The following COL2A1 variants were observed in gnomAD, a reference collection of about 807,000 sequenced individuals.
The protein encoded by COL2A1 is collagen alpha-1(II) chain.
A neutral mutation model predicts 204.5 loss-of-function variants in COL2A1; 28 were observed. The ratio of observed to expected loss-of-function variants is 0.14; its 90% CI spans 0.10 to 0.19. The LOEUF (loss-of-function observed/expected upper bound fraction) is 0.19. COL2A1 is among the 10% of genes least tolerant of loss of function. COL2A1 has a pLI of 1.00. For synonymous variants in COL2A1, 708 were observed against 718.7 expected (o/e 0.99, Z 0.24); for missense variants, 1,388 against 2,027.5 (o/e 0.68, Z 6.06).
At chr12:47,984,665 C>A in intron 27 of COL2A1, 66 bp from the exon 28 acceptor site, 2 of 1,463,698 alleles carry the variant, frequency 1.4e-6, no homozygotes, top group Admixed American at 1.7e-5. Flanking sequence ...GCAGAGCGGG[C>A]TGCAGGGACT....
chr12:47,980,955 T>G lies in COL2A1; in HGVS notation c.2477A>C (p.Glu826Ala). The G allele has an allele frequency of 6.4e-7, 1 of 1,551,734 alleles. No homozygotes were observed. Among genetic ancestry groups the G allele is most frequent in the Middle Eastern group, 1.7e-4 (1 of 5,880 alleles). ...TCCCGCTGGTCCGGGGGGCCCAGTC[T>G]CTCCACGTTCACCCTGTGAGAGAAG... The part of the protein sequence containing the change: ...GARGAPGERG[E>A]TGPPGPAGFA... The change falls in exon 38 of 54, where the codon GAG (glutamate) becomes GCG (alanine). Residue 826 changes from glutamate to alanine, a missense_variant. Physicochemically the swap from Glu to Ala is moderately radical, Grantham distance 107 (BLOSUM62 -1). This residue lies in a region of COL2A1 where 884 missense variants were observed against 1,415.8 expected (regional missense o/e 0.62). Transcript: ENST00000380518. This position sits in a 1 kb window ranked among gnomAD's most constrained non-coding sequence, Gnocchi z 4.5.
intron 1 of COL2A1, among the ~76,000 whole-genome samples, chr12:48,001,625 G>C (rs549736609): frequency 9.5e-4 from 144 of 152,340 alleles, no homozygotes; most frequent in East Asian, 5.8e-4. Context: ...GGCCCGGGAA[G>C]CGCCGGCGCA....
rs767276172 is a variant in COL2A1 at position 47,999,988 on chromosome 12, A to T, written c.223T>A (p.Cys75Ser). ...DDIICEDVKD[C>S]LSPEIPFGEC... Reference sequence around the variant, plus strand: ...CCGAAGGGGATCTCAGGGCTGAGGCAGTCTTTCACGTCTTCACAGATTATG... The same window carrying T: ...CCGAAGGGGATCTCAGGGCTGAGGCTGTCTTTCACGTCTTCACAGATTATG... The change falls in exon 2 of 54, where the codon TGC (cysteine) becomes AGC (serine). Residue 75 changes from cysteine to serine, a missense_variant. Coordinates refer to ENST00000380518, the MANE Select transcript of COL2A1 (RefSeq NM_001844.5). 6.2e-7 allele frequency: 1 copy of T among 1,614,224 alleles called. No individual in the cohort carries two copies. The highest frequency in any genetic ancestry group is 8.5e-7 in the Non-Finnish European group (1 of 1,180,032).
chr12:47,995,917 G>T lies in COL2A1; in HGVS notation c.612C>A (p.Gly204=). 5 of 1,613,004 alleles carry T rather than the reference G, an allele frequency of 3.1e-6. No individual in the cohort carries two copies. The highest frequency in any genetic ancestry group is 4.2e-6 in the Non-Finnish European group (5 of 1,178,996). The change falls in exon 9 of 54, where the codon GGC becomes GGA. Residue 204 remains glycine, a splice_region_variant and synonymous_variant. Coordinates refer to ENST00000380518, the MANE Select transcript of COL2A1 (RefSeq NM_001844.5). ...CTGGAGGTCCTCGAGGTCCCATGGG[G>T]CCCTGCATCGGAACAGAAAATGAGG... ...AQLGVMQGPM[G]PMGPRGPPGP... is the part of the protein sequence containing the mutation.
chr12:47,989,593 C>T (rs961292021), intron 17 of COL2A1, among the ~76,000 whole-genome samples, 168 bp downstream of exon 17: 4 of 152,184 alleles, frequency 2.6e-5, no homozygotes, highest in African/African-American at 9.7e-5. Flanking sequence ...AGCTTGTTAT[C>T]GATATGCTCA....
chr12:47,992,597 T>C (rs1939758291), intron 16 of COL2A1, among the ~76,000 whole-genome samples: 1 of 152,136 alleles, frequency 6.6e-6, no homozygotes. Flanking sequence ...TCCAGCTGGA[T>C]TGCCCAGGGA....
chr12:47,973,309 G>T lies in COL2A1; in HGVS notation c.*98C>A, dbSNP rs370163304. The T allele has an allele frequency of 5.5e-5, 84 of 1,516,348 alleles. No individual in the cohort carries two copies. Among genetic ancestry groups the T allele is most frequent in the South Asian group, 4.6e-4 (41 of 89,098 alleles). The allele number at this position is 1,516,348 out of a possible 1,614,324, so 93.9% of individuals were successfully genotyped here. A position where few individuals can be genotyped will look rare whatever the true frequency, so the allele number is the denominator to read the frequency against. ...GTGGGATGAATGGACATCAGGTCAG[G>T]TCAGCCATTCAGTGCAGAGTCCTAG... On this transcript the variant is annotated 3_prime_UTR_variant, in exon 54 of 54. Coordinates refer to ENST00000380518, the MANE Select transcript of COL2A1 (RefSeq NM_001844.5).
In COL2A1 at chr12:47,976,907, G is replaced by A. The variant is rs768002885; in HGVS notation, c.3340C>T (p.Pro1114Ser). 2 of 1,606,688 alleles carry A rather than the reference G, an allele frequency of 1.2e-6. No homozygotes were observed. The highest frequency in any genetic ancestry group is 1.7e-6 in the Non-Finnish European group (2 of 1,176,320). ...GARGIQGPQG[P>S]RGDKGEAGEP... is the part of the protein sequence containing the mutation. ...CCAGCCTCTCCTTTGTCACCTCTGG[G>A]GCCTTGAGGACCCTGGGAACAAGAC... Residue 1114 changes from proline (P) to serine (S), a missense_variant, in exon 48 of 54, where the codon CCC becomes TCC. Physicochemically the swap from Pro to Ser is moderately conservative, Grantham distance 74. Coordinates refer to ENST00000380518, the MANE Select transcript of COL2A1 (RefSeq NM_001844.5). This position sits in a 1 kb window ranked among gnomAD's most constrained non-coding sequence, Gnocchi z 4.3.
chr12:47,977,848 C>A (rs1166028131), intron 44 of COL2A1, among the ~76,000 whole-genome samples, 162 bp downstream of exon 44: 2 of 152,206 alleles, frequency 1.3e-5, no homozygotes, highest in African/African-American at 4.8e-5. Flanking sequence ...GTCTCTCTCC[C>A]CGACAACCTT....
chr12:47,995,627 C>G, intron 10 of COL2A1, 83 bp downstream of exon 10: 2 of 1,357,490 alleles, frequency 1.5e-6, no homozygotes, highest in South Asian at 2.3e-5. Flanking sequence ...TGGGCAGAGC[C>G]TGGGAGGGAC....
intron 29 of COL2A1, 173 bp downstream of exon 29, chr12:47,983,914 A>G (rs1939239590): frequency 5.6e-6 from 5 of 897,662 alleles, no homozygotes; most frequent in African/African-American, 1.6e-5. Flanking sequence ...CTCTCCACCA[A>G]TGTGGGTCCA....
At chr12:47,975,878 TA>T in intron 50 of COL2A1, 84 bp downstream of exon 50, 1 of 1,061,150 alleles carries the variant, frequency 9.4e-7, no homozygotes, top group Non-Finnish European at 1.5e-6. Context: ...GCTGATGCCC[TA>T]AAAGAGGCCC....
chr12:47,992,480 C>A (rs757572902), intron 16 of COL2A1, among the ~76,000 whole-genome samples: 4 of 152,162 alleles, frequency 2.6e-5, no homozygotes, highest in Non-Finnish European at 5.9e-5. Flanking sequence ...AGCATAGAGC[C>A]CTGTGAGTTG....
chr12:47,973,036 G>T lies in COL2A1; in HGVS notation c.*371C>A. ...AAAAAATACAGAGGTGTTTGACACA[G>T]AATAGCACCATTGTGTAGGACACAC... On this transcript the variant is annotated 3_prime_UTR_variant, in exon 54 of 54. Transcript: ENST00000380518. 14 of 542,094 alleles carry T rather than the reference G, an allele frequency of 2.6e-5. No individual in the cohort carries two copies. Among genetic ancestry groups the T allele is most frequent in the South Asian group, 8.9e-5 (3 of 33,592 alleles). 33.6% of individuals were successfully genotyped at this position (542,094 alleles called of 1,614,324 possible).
chr12:47,980,440 G>T lies in COL2A1; in HGVS notation c.2625+114C>A. 1.1e-6 allele frequency: 1 copy of T among 943,758 alleles called. No homozygotes were observed. The highest frequency in any genetic ancestry group is 1.7e-6 in the Non-Finnish European group (1 of 594,916). The allele number at this position is 943,758 out of a possible 1,614,324, so 58.5% of individuals were successfully genotyped here. A position where few individuals can be genotyped will look rare whatever the true frequency, so the allele number is the denominator to read the frequency against. Reference sequence around the variant, plus strand: ...ACATGGAAGCTCCTTCTACCAACATGGGGGTGTTCCCAGGCCTGCGAACCA... The same window carrying T: ...ACATGGAAGCTCCTTCTACCAACATTGGGGTGTTCCCAGGCCTGCGAACCA... On this transcript the variant is annotated intron_variant, in intron 39 of 53. Transcript: ENST00000380518. The surrounding 1 kb of genome is among the most constrained non-coding windows in gnomAD (Gnocchi z 4.5).
chr12:47,984,998 G>A lies in COL2A1; in HGVS notation c.1830C>T (p.Ala610=), dbSNP rs151332549. The A allele has an allele frequency of 6.2e-6, 10 of 1,613,434 alleles. No individual in the cohort carries two copies. The highest frequency in any genetic ancestry group is 1.7e-5 in the Admixed American group (1 of 60,000). The change falls in exon 27 of 54, where the codon GCC becomes GCT. Residue 610 remains alanine (A), a synonymous_variant. Coordinates refer to ENST00000380518, the MANE Select transcript of COL2A1 (RefSeq NM_001844.5). The part of the protein sequence containing the change: ...GVMGFPGPKG[A]NGEPGKAGEK... ...AGAAGAGCAAATTATTACTTACGTT[G>A]GCACCTTTGGGGCCAGGGAAACCCA...
chr12:47,986,342 T>A lies in COL2A1; in HGVS notation c.1521A>T (p.Gly507=), dbSNP rs773949941. The change falls in exon 23 of 54, where the codon GGA becomes GGT. Residue 507 remains glycine (G), a synonymous_variant. Coordinates refer to ENST00000380518, the MANE Select transcript of COL2A1 (RefSeq NM_001844.5). ...GCCTCCACATTCACTTAACTCTTTCTCCAGGGGGACCGATGGGCCCAACGC... is the reference window on the plus strand; with the variant it reads ...GCCTCCACATTCACTTAACTCTTTCACCAGGGGGACCGATGGGCCCAACGC... The part of the protein sequence containing the change: ...PGGVGPIGPP[G]ERGAPGNRGF... 1.3e-6 allele frequency: 2 copies of A among 1,558,718 alleles called. No homozygotes were observed. Among genetic ancestry groups the A allele is most frequent in the Admixed American group, 3.8e-5 (2 of 52,686 alleles).
In COL2A1 at chr12:47,978,644, C is replaced by A. The variant is rs762151026; in HGVS notation, c.2848G>T (p.Ala950Ser). The A allele has an allele frequency of 1.9e-6, 3 of 1,613,480 alleles. No individual in the cohort carries two copies. The South Asian group carries it at 3.3e-5, about 18-fold the overall frequency. ...RAGEPGLQGP[A>S]GPPGEKGEPG... is the part of the protein sequence containing the mutation. ...TCTCCCTTCTCGCCAGGGGGTCCAG[C>A]AGGACCTTGGAGGCCGGGTTCACCA... Residue 950 changes from alanine (A) to serine (S), a missense_variant, in exon 42 of 54, where the codon GCT becomes TCT. Coordinates refer to ENST00000380518, the MANE Select transcript of COL2A1 (RefSeq NM_001844.5). This position sits in a 1 kb window ranked among gnomAD's most constrained non-coding sequence, Gnocchi z 5.5.
chr12:47,980,023 C>T lies in COL2A1; in HGVS notation c.2665G>A (p.Ala889Thr). Residue 889 changes from alanine to threonine, a missense_variant, in exon 40 of 54, where the codon GCC becomes ACC. By Grantham distance (58) the Ala-to-Thr change is moderately conservative (BLOSUM62 0). Around this residue, in one of 3 missense-constraint regions of COL2A1, gnomAD observed 884 missense variants for 1,415.8 expected, o/e 0.62. Transcript: ENST00000380518. The surrounding 1 kb of genome is among the most constrained non-coding windows in gnomAD (Gnocchi z 4.5). ...GCCTCACTCACCGGGGGGCCTTGGG[C>T]ACCTCGGGCTCCTTTAGGACCAGTC... Reference protein sequence around the residue: ...GVTGPKGARGAQGPPGATGFP... With the variant: ...GVTGPKGARGTQGPPGATGFP... 2 of 1,555,290 alleles carry T rather than the reference C, an allele frequency of 1.3e-6. No homozygotes were observed.
Sources: allele counts gnomAD v4.1 joint callset (sites outside exome capture counted in the v4.1 genomes callset), GRCh38; gene constraint gnomAD v4.1.1; regional missense constraint gnomAD v4.1.1; non-coding constraint Gnocchi (gnomAD v3.1); transcripts MANE v1.5; gene names NCBI Gene and HGNC (gene_info 2026-07-23, HGNC 2026-07-21).